Variants in RANBP17 observed in about 807,000 individuals in gnomAD.
RANBP17 encodes the protein RAN binding protein 17, also known as ran-binding protein 17.
A neutral mutation model predicts 141.2 loss-of-function variants in RANBP17; 158 were observed. The ratio of observed to expected loss-of-function variants is 1.12; its 90% CI spans 0.98 to 1.28. The LOEUF is 1.28. Ranked by LOEUF, RANBP17 falls within the 50% of genes most tolerant of loss-of-function variation. The probability of loss-of-function intolerance (pLI) is 0.00; values close to 1 mark genes in which losing one functional copy is unlikely to be tolerated. For synonymous variants in RANBP17, 430 were observed against 450.0 expected, an observed-to-expected ratio of 0.96 and a Z score of 0.56; for missense variants, 1,438 against 1,290.7, an observed-to-expected ratio of 1.11 and a Z score of -1.75.
At chr5:171,223,885 G>A (rs900721853) in intron 22 of RANBP17, among the ~76,000 whole-genome samples, 3 of 152,086 alleles carry the variant, frequency 2.0e-5, no homozygotes, top group Non-Finnish European at 4.4e-5. Flanking sequence ...AATACTTACC[G>A]ACTTCATGAC....
chr5:171,077,494 T>C (rs1785006088), intron 14 of RANBP17, among the ~76,000 whole-genome samples: 2 of 152,150 alleles, frequency 1.3e-5, no homozygotes, highest in Non-Finnish European at 1.5e-5. Flanking sequence ...TTGTTCAATA[T>C]ATACAAATTT....
At chr5:171,231,453 GATCCTTGCCATCTTCAAT>G (rs1418953841) in intron 22 of RANBP17, among the ~76,000 whole-genome samples, 1 of 152,022 alleles carries the variant, frequency 6.6e-6, no homozygotes, top group Non-Finnish European at 1.5e-5. Context: ...CTATACGTAG[GATCCTTGCCATCTTCAAT>G]ATAGTTTTCT....
At chr5:171,091,220 C>T (rs1230394741) in intron 14 of RANBP17, among the ~76,000 whole-genome samples, 2 of 152,204 alleles carry the variant, frequency 1.3e-5, no homozygotes, top group Non-Finnish European at 2.9e-5. Context: ...CCACTTCTTG[C>T]ATCATCATGG....
chr5:170,916,201 T>C (rs1350728077), intron 8 of RANBP17, among the ~76,000 whole-genome samples: 1 of 40,296 alleles, frequency 2.5e-5, no homozygotes, highest in African/African-American at 6.5e-5. Flanking sequence ...TATTCTATAT[T>C]GCATTATAAT....
intron 14 of RANBP17, among the ~76,000 whole-genome samples, chr5:171,036,047 C>A (rs1781863945): frequency 6.6e-6 from 1 of 152,090 alleles, no homozygotes; most frequent in African/African-American, 2.4e-5. Context: ...TGTGTTCTTC[C>A]ATGCCCAGCT....
At chr5:171,121,470 TG>T (rs1440925581) in intron 14 of RANBP17, among the ~76,000 whole-genome samples, 1 of 152,164 alleles carries the variant, frequency 6.6e-6, no homozygotes, top group Non-Finnish European at 1.5e-5. Flanking sequence ...CTGCAGAGCT[TG>T]GGGTGCTACA....
chr5:171,028,281 A>C (rs1276828223), intron 14 of RANBP17, among the ~76,000 whole-genome samples: 1 of 152,096 alleles, frequency 6.6e-6, no homozygotes, highest in East Asian at 1.9e-4. Context: ...ATTGAAAGAA[A>C]AAAATCATCA....
chr5:171,137,572 A>ATGTGTGTGTGTGTGTGTGTGTGTGTG (rs140713117), intron 14 of RANBP17, among the ~76,000 whole-genome samples: 10 of 141,098 alleles, frequency 7.1e-5, no homozygotes, highest in East Asian at 2.1e-4. Context: ...TTGACTTGAG[A>ATGTGTGTGTGTGTGTGTGTGTGTGTG]TGTGTGTGTG....
chr5:170,978,336 C>T (rs1777534020), intron 14 of RANBP17, among the ~76,000 whole-genome samples: 1 of 152,100 alleles, frequency 6.6e-6, no homozygotes, highest in South Asian at 2.1e-4. Context: ...GACTCATCAG[C>T]TCTACTCTTA....
At chr5:171,033,995 T>A (rs901108532) in intron 14 of RANBP17, among the ~76,000 whole-genome samples, 5 of 152,238 alleles carry the variant, frequency 3.3e-5, no homozygotes, top group African/African-American at 1.2e-4. Flanking sequence ...TCCTGTAGTC[T>A]CAGCTTCTCA....
chr5:171,217,490 A>AG (rs1341654886), intron 21 of RANBP17, among the ~76,000 whole-genome samples: 1 of 152,284 alleles, frequency 6.6e-6, no homozygotes, highest in East Asian at 1.9e-4. Flanking sequence ...GAATGGTACC[A>AG]GCTCCTCTTT....
intron 18 of RANBP17, among the ~76,000 whole-genome samples, chr5:171,192,799 G>A (rs975317574): frequency 3.9e-5 from 6 of 152,092 alleles, no homozygotes; most frequent in Admixed American, 3.9e-4. Context: ...ATTTTCCTGT[G>A]GAAGTAAGAT....
intron 5 of RANBP17, among the ~76,000 whole-genome samples, chr5:170,902,036 T>C (rs1199938591): frequency 6.6e-6 from 1 of 152,184 alleles, no homozygotes; most frequent in East Asian, 1.9e-4. Flanking sequence ...TTTGTGATGT[T>C]CTGTGTATTT....
At chr5:171,233,928 CAA>C (rs1764365734) in intron 22 of RANBP17, among the ~76,000 whole-genome samples, 1 of 152,126 alleles carries the variant, frequency 6.6e-6, no homozygotes, top group Non-Finnish European at 1.5e-5. Context: ...CAGATTGTAA[CAA>C]ATGCACCACT....
At chr5:171,234,070 A>G (rs1764377381) in intron 22 of RANBP17, among the ~76,000 whole-genome samples, 1 of 151,526 alleles carries the variant, frequency 6.6e-6, no homozygotes, top group Non-Finnish European at 1.5e-5. Flanking sequence ...AAAAAAAAAT[A>G]CACACACACA....
At chr5:171,004,173 T>C (rs1157898657) in intron 14 of RANBP17, among the ~76,000 whole-genome samples, 1 of 151,906 alleles carries the variant, frequency 6.6e-6, no homozygotes, top group Non-Finnish European at 1.5e-5. Flanking sequence ...TAGGTTTCAA[T>C]GGGATAGTAA....
chr5:171,059,028 A>C (rs1353888064), intron 14 of RANBP17, among the ~76,000 whole-genome samples: 1 of 150,020 alleles, frequency 6.7e-6, no homozygotes, highest in African/African-American at 2.5e-5. Context: ...TTTTCTTGTA[A>C]ATTTGTTTGA....
At chr5:171,178,844 C>T (rs1424165524) in intron 16 of RANBP17, among the ~76,000 whole-genome samples, 8 of 152,128 alleles carry the variant, frequency 5.3e-5, no homozygotes, top group Non-Finnish European at 1.0e-4. Flanking sequence ...TGTTCCTATC[C>T]GTCGCCCACT....
At chr5:171,091,851 C>T (rs1786309269) in intron 14 of RANBP17, among the ~76,000 whole-genome samples, 1 of 152,156 alleles carries the variant, frequency 6.6e-6, no homozygotes, top group Admixed American at 6.5e-5. Context: ...AACTGTAAGT[C>T]CAGTAAACTT....
Sources: gnomAD v4.1 joint callset for allele counts (sites outside exome capture counted in the v4.1 genomes callset) on GRCh38, gnomAD v4.1.1 for gene constraint, MANE v1.5 for transcripts, NCBI Gene and HGNC (gene_info 2026-07-23, HGNC 2026-07-21) for gene names.